Variants in OR6N1 observed in about 807,000 individuals in gnomAD.
The protein encoded by OR6N1 is olfactory receptor family 6 subfamily N member 1, also known as olfactory receptor 6N1.
For missense variants in OR6N1, 394 were observed against 371.7 expected, an observed-to-expected ratio of 1.06 and a Z score of -0.49; for synonymous variants, 170 against 150.7, an observed-to-expected ratio of 1.13 and a Z score of -0.94.
chr1:158,825,138 C>G, the OR6N1 span, among the ~76,000 whole-genome samples: 5 of 152,096 alleles, frequency 3.3e-5, no homozygotes, highest in Admixed American at 2.0e-4. Flanking sequence ...CCAAACAACT[C>G]CATTAAAAAG....
At chr1:158,800,304 A>G in the OR6N1 span, among the ~76,000 whole-genome samples, 1 of 152,104 alleles carries the variant, frequency 6.6e-6, no homozygotes, top group Non-Finnish European at 1.5e-5. Context: ...CATACCACAA[A>G]GGAAAAGTTG....
At chr1:158,773,153 T>G (rs747365053), upstream of OR6N1, among the ~76,000 whole-genome samples, 1 of 130,554 alleles carries the variant, frequency 7.7e-6, no homozygotes, top group Non-Finnish European at 1.6e-5. Flanking sequence ...TATTTTTCTA[T>G]CTCCTAATTT....
chr1:158,790,813 C>T, the OR6N1 span, among the ~76,000 whole-genome samples: 1 of 152,082 alleles, frequency 6.6e-6, no homozygotes, highest in Non-Finnish European at 1.5e-5. Flanking sequence ...TGTGTCCCCA[C>T]CAAAATCTCA....
upstream of OR6N1, chr1:158,775,060 A>G (rs1264456935): frequency 2.0e-5 from 3 of 152,256 alleles, no homozygotes; most frequent in Non-Finnish European, 4.4e-5. Flanking sequence ...AAAATCTGAA[A>G]TAATTTGAGA....
chr1:158,791,650 A>G, the OR6N1 span, among the ~76,000 whole-genome samples: 1 of 151,918 alleles, frequency 6.6e-6, no homozygotes, highest in Non-Finnish European at 1.5e-5. Context: ...TCATATTTTT[A>G]GTAGAGATGG....
the OR6N1 span, among the ~76,000 whole-genome samples, chr1:158,819,615 G>A: frequency 4.6e-5 from 7 of 152,036 alleles, no homozygotes; most frequent in African/African-American, 1.4e-4. Flanking sequence ...TGTATACCAC[G>A]GGAGTTCCAA....
At chr1:158,801,295 G>T in the OR6N1 span, among the ~76,000 whole-genome samples, 1 of 151,818 alleles carries the variant, frequency 6.6e-6, no homozygotes, top group African/African-American at 2.4e-5. Context: ...AAATGCCGGG[G>T]TTTTTTTCCC....
chr1:158,797,093 A>G, the OR6N1 span, among the ~76,000 whole-genome samples: 2 of 152,016 alleles, frequency 1.3e-5, no homozygotes, highest in Non-Finnish European at 2.9e-5. Flanking sequence ...TCTACTGAAC[A>G]CTCTAATTTG....
At chr1:158,835,802 A>G in the OR6N1 span, among the ~76,000 whole-genome samples, 1 of 151,830 alleles carries the variant, frequency 6.6e-6, no homozygotes. Context: ...ATTTTCTCCT[A>G]TTCTTCGTTT....
chr1:158,803,496 A>C, the OR6N1 span, among the ~76,000 whole-genome samples: 6 of 152,208 alleles, frequency 3.9e-5, no homozygotes, highest in African/African-American at 1.4e-4. Flanking sequence ...CAATTCTTCA[A>C]ATGAATAATT....
the OR6N1 span, chr1:158,808,921 C>T: frequency 2.6e-5 from 4 of 152,930 alleles, no homozygotes; most frequent in Non-Finnish European, 5.9e-5. Flanking sequence ...GTAACTGTAC[C>T]TGTCTGCTCA....
At chr1:158,832,425 G>A in the OR6N1 span, among the ~76,000 whole-genome samples, 2 of 151,784 alleles carry the variant, frequency 1.3e-5, no homozygotes, top group African/African-American at 4.8e-5. Context: ...ACTGAGAGAT[G>A]TGGTGAAATC....
chr1:158,803,728 A>C, the OR6N1 span, among the ~76,000 whole-genome samples: 1 of 152,266 alleles, frequency 6.6e-6, no homozygotes, highest in Non-Finnish European at 1.5e-5. Flanking sequence ...AACATGACAA[A>C]TACCTGAGCA....
the OR6N1 span, among the ~76,000 whole-genome samples, chr1:158,827,301 T>A: frequency 2.0e-5 from 3 of 152,008 alleles, no homozygotes; most frequent in South Asian, 2.1e-4. Context: ...GCAAAGAAAA[T>A]TTTTTTTAGA....
At chr1:158,827,612 A>T in the OR6N1 span, among the ~76,000 whole-genome samples, 2 of 152,182 alleles carry the variant, frequency 1.3e-5, no homozygotes, top group Non-Finnish European at 2.9e-5. Context: ...TTCAGGCTGG[A>T]AGAAAGGAGG....
chr1:158,776,863 A>G (rs757370165), upstream of OR6N1: 51 of 1,614,082 alleles, frequency 3.2e-5, no homozygotes, highest in Non-Finnish European at 4.3e-5. Flanking sequence ...CCGCACATAC[A>G]TGAAGATGAT....
At chr1:158,784,769 T>C in the OR6N1 span, among the ~76,000 whole-genome samples, 1 of 152,236 alleles carries the variant, frequency 6.6e-6, no homozygotes, top group South Asian at 2.1e-4. Flanking sequence ...TTTTTATGGC[T>C]GAATGCTATT....
At chr1:158,829,927 T>C in the OR6N1 span, among the ~76,000 whole-genome samples, 2 of 152,304 alleles carry the variant, frequency 1.3e-5, no homozygotes, top group African/African-American at 2.4e-5. Flanking sequence ...CAACTCCCAT[T>C]TTTTAAAAAC....
intron 1 of OR6N1, among the ~76,000 whole-genome samples, chr1:158,770,636 A>G (rs1305818868): frequency 2.0e-5 from 3 of 151,820 alleles, no homozygotes; most frequent in African/African-American, 7.3e-5. Context: ...ATATATTTCC[A>G]ACAGCTCATA....
Sources: gnomAD v4.1 joint callset for allele counts (sites outside exome capture counted in the v4.1 genomes callset) on GRCh38, gnomAD v4.1.1 for gene constraint, MANE v1.5 for transcripts, NCBI Gene and HGNC (gene_info 2026-07-23, HGNC 2026-07-21) for gene names.